The following XPR1 variants were observed in gnomAD, a reference collection of about 807,000 sequenced individuals.
XPR1 encodes solute carrier family 53 member 1.
XPR1 carries 28 observed loss-of-function variants against 87.5 expected under a neutral mutation model. That is an observed-to-expected ratio of 0.32 (90% CI 0.24 to 0.44). The LOEUF (loss-of-function observed/expected upper bound fraction) is 0.44, where lower values mean the gene tolerates loss of function less well. Ranked by LOEUF, XPR1 falls within the 20% of genes least tolerant of loss-of-function variation. The pLI is 1.00. For synonymous variants in XPR1, 300 were observed against 306.1 expected (o/e 0.98, Z 0.21); for missense variants, 559 against 862.3 (o/e 0.65, Z 4.41).
chr1:180,762,348 CAG>C (rs1271196464), intron 2 of XPR1, among the ~76,000 whole-genome samples: 4 of 151,920 alleles, frequency 2.6e-5, no homozygotes, highest in South Asian at 2.1e-4. Context: ...GAAGAAGAAA[CAG>C]AAATATAAAC....
intron 1 of XPR1, among the ~76,000 whole-genome samples, chr1:180,645,715 G>A (rs974968254): frequency 6.6e-6 from 1 of 152,196 alleles, no homozygotes; most frequent in African/African-American, 2.4e-5. Context: ...TGAGTTAAGG[G>A]CATGTACTTT....
At chr1:180,756,212 T>G (rs1005328219) in intron 2 of XPR1, among the ~76,000 whole-genome samples, 7 of 152,362 alleles carry the variant, frequency 4.6e-5, no homozygotes, top group African/African-American at 1.7e-4. Flanking sequence ...AGGCGCATTT[T>G]ACAAAATAAC....
At chr1:180,681,492 A>G (rs1302912637) in intron 1 of XPR1, among the ~76,000 whole-genome samples, 2 of 152,114 alleles carry the variant, frequency 1.3e-5, no homozygotes, top group Non-Finnish European at 2.9e-5. Context: ...AAGAAATACA[A>G]AAAATTAGCC....
chr1:180,786,360 T>G (rs934753517), intron 2 of XPR1, among the ~76,000 whole-genome samples: 2 of 152,198 alleles, frequency 1.3e-5, no homozygotes, highest in South Asian at 2.1e-4. Context: ...GACAGTTGGA[T>G]TATTTTAAGA....
At chr1:180,861,598 A>C (rs1159357268) in intron 11 of XPR1, among the ~76,000 whole-genome samples, 1 of 152,138 alleles carries the variant, frequency 6.6e-6, no homozygotes, top group Non-Finnish European at 1.5e-5. Flanking sequence ...TTAATGAAGA[A>C]AAATTTTTGT....
chr1:180,714,397 CTCTCT>C (rs1192347147), intron 2 of XPR1, among the ~76,000 whole-genome samples: 1 of 132,478 alleles, frequency 7.5e-6, no homozygotes, highest in Non-Finnish European at 1.6e-5. Flanking sequence ...CTCTCTCTCT[CTCTCT>C]GTCGTCTGTC....
At chr1:180,795,730 T>C (rs1649547783) in intron 3 of XPR1, among the ~76,000 whole-genome samples, 1 of 152,226 alleles carries the variant, frequency 6.6e-6, no homozygotes, top group Admixed American at 6.5e-5. Flanking sequence ...GTCTTGAGGA[T>C]AAGACAGACA....
At chr1:180,736,154 C>T (rs534265851) in intron 2 of XPR1, among the ~76,000 whole-genome samples, 10 of 152,042 alleles carry the variant, frequency 6.6e-5, no homozygotes, top group South Asian at 2.1e-4. Flanking sequence ...CACTGCCTTA[C>T]GACATTAATG....
intron 2 of XPR1, among the ~76,000 whole-genome samples, chr1:180,754,806 C>G (rs900701293): frequency 1.3e-5 from 2 of 152,024 alleles, no homozygotes; most frequent in Non-Finnish European, 2.9e-5. Flanking sequence ...AGGTTTTCTC[C>G]TTTCTCAAAA....
At chr1:180,828,961 C>T (rs1432556165) in intron 9 of XPR1, among the ~76,000 whole-genome samples, 5 of 152,032 alleles carry the variant, frequency 3.3e-5, no homozygotes, top group East Asian at 3.9e-4. Context: ...CTTTGAGAGG[C>T]GGAGGTGGGA....
intron 2 of XPR1, among the ~76,000 whole-genome samples, chr1:180,769,087 A>AT (rs1430829861): frequency 2.6e-5 from 4 of 151,896 alleles, no homozygotes; most frequent in Non-Finnish European, 5.9e-5. Flanking sequence ...TTAACTCAAT[A>AT]TTTTTTCGTT....
intron 2 of XPR1, among the ~76,000 whole-genome samples, chr1:180,786,262 A>G (rs1187961039): frequency 6.6e-6 from 1 of 152,224 alleles, no homozygotes; most frequent in Non-Finnish European, 1.5e-5. Flanking sequence ...TATCTCTGGT[A>G]CTACAAATTA....
chr1:180,826,829 T>A (rs968911719), intron 9 of XPR1, among the ~76,000 whole-genome samples: 1 of 152,014 alleles, frequency 6.6e-6, no homozygotes, highest in African/African-American at 2.4e-5. Context: ...TTTTTTTTAA[T>A]CTGAAGACAT....
chr1:180,757,524 T>A (rs986475909), intron 2 of XPR1, among the ~76,000 whole-genome samples: 6 of 147,196 alleles, frequency 4.1e-5, no homozygotes, highest in African/African-American at 1.3e-4. Context: ...TTTTTTTTTT[T>A]AAAGAGTTAA....
intron 3 of XPR1, among the ~76,000 whole-genome samples, chr1:180,793,009 T>A (rs1442565830): frequency 1.3e-5 from 2 of 152,192 alleles, no homozygotes; most frequent in East Asian, 3.8e-4. Context: ...TTTCTTTGTT[T>A]TTGAATAACT....
intron 2 of XPR1, among the ~76,000 whole-genome samples, chr1:180,778,198 G>A (rs1262601537): frequency 6.6e-6 from 1 of 151,870 alleles, no homozygotes; most frequent in Admixed American, 6.6e-5. Context: ...TGTCCAGACT[G>A]GTCTCCAACT....
chr1:180,816,642 A>T (rs1315231611), intron 7 of XPR1, among the ~76,000 whole-genome samples: 1 of 152,202 alleles, frequency 6.6e-6, no homozygotes, highest in East Asian at 1.9e-4. Context: ...TGGAACTGAA[A>T]AATTGCTGTT....
intron 2 of XPR1, among the ~76,000 whole-genome samples, chr1:180,768,669 T>A (rs547548787): frequency 6.7e-4 from 102 of 152,364 alleles, no homozygotes; most frequent in Non-Finnish European, 8.5e-4. Flanking sequence ...ATTTCATTTA[T>A]GCTAAGAAGT....
intron 2 of XPR1, among the ~76,000 whole-genome samples, chr1:180,693,263 T>G (rs899247857): frequency 6.6e-6 from 1 of 152,236 alleles, no homozygotes; most frequent in Admixed American, 6.5e-5. Context: ...TGTTTTCATT[T>G]TCTTTAGGCA....
Sources: gnomAD v4.1 joint callset for allele counts (sites outside exome capture counted in the v4.1 genomes callset) on GRCh38, gnomAD v4.1.1 for gene constraint, MANE v1.5 for transcripts, NCBI Gene and HGNC (gene_info 2026-07-23, HGNC 2026-07-21) for gene names.